Variants in ARHGEF6 observed in about 807,000 individuals in gnomAD.
ARHGEF6 encodes rho guanine nucleotide exchange factor 6.
ARHGEF6 carries 9 observed loss-of-function variants against 70.3 expected under a neutral mutation model. The observed-to-expected ratio is 0.13, with a 90% CI of 0.08 to 0.22. The LOEUF is 0.22. ARHGEF6 is among the 10% of genes least tolerant of loss of function. The pLI, the probability that ARHGEF6 is intolerant of heterozygous loss-of-function variation, is 1.00. For missense variants in ARHGEF6, 470 were observed against 563.0 expected, an observed-to-expected ratio of 0.83 and a Z score of 1.67; for synonymous variants, 201 against 207.8, an observed-to-expected ratio of 0.97 and a Z score of 0.28.
chrX:136,762,178 T>C (rs758321461), intron 2 of ARHGEF6, among the ~76,000 whole-genome samples: 9 of 112,303 alleles, frequency 8.0e-5, no homozygotes, highest in Non-Finnish European at 1.7e-4. Context: ...CCTCCCAAAG[T>C]GCTGGGATTA....
intron 7 of ARHGEF6, among the ~76,000 whole-genome samples, chrX:136,712,832 T>G (rs2076700472): frequency 8.9e-6 from 1 of 112,088 alleles, no homozygotes; most frequent in Admixed American, 9.4e-5. Flanking sequence ...CTTGAATAGC[T>G]CTTACAAGCA....
At chrX:136,687,891 G>T in intron 11 of ARHGEF6, 41 bp downstream of exon 11, 13 of 1,106,934 alleles carry the variant, frequency 1.2e-5, no homozygotes, top group Non-Finnish European at 1.6e-5. Flanking sequence ...CAGGAATAAA[G>T]TATACAAAAT....
chrX:136,727,398 TC>T (rs1454454691), intron 6 of ARHGEF6, among the ~76,000 whole-genome samples: 46 of 76,090 alleles, frequency 6.0e-4, no homozygotes, highest in African/African-American at 2.0e-3. Flanking sequence ...TCTTTCTTTC[TC>T]TCTCTCTCTC....
chrX:136,691,292 T>C (rs1186875094), intron 9 of ARHGEF6, among the ~76,000 whole-genome samples: 1 of 112,239 alleles, frequency 8.9e-6, no homozygotes, highest in Non-Finnish European at 1.9e-5. Context: ...CATGTTTGTA[T>C]GACTAACCAC....
chrX:136,687,837 G>T, intron 11 of ARHGEF6, 95 bp downstream of exon 11: 1 of 743,556 alleles, frequency 1.3e-6, no homozygotes, highest in South Asian at 2.1e-5. Context: ...CCATTCTAAA[G>T]ACCTTTGTAT....
intron 2 of ARHGEF6, among the ~76,000 whole-genome samples, chrX:136,754,713 T>C (rs770381715): frequency 1.8e-5 from 2 of 111,851 alleles, no homozygotes; most frequent in Admixed American, 1.9e-4. Context: ...CTCTTGTCAA[T>C]AGCCCTTGCC....
intron 2 of ARHGEF6, among the ~76,000 whole-genome samples, chrX:136,766,325 G>A (rs2077313628): frequency 9.2e-6 from 1 of 108,149 alleles, no homozygotes; most frequent in African/African-American, 3.4e-5. Context: ...TTTGAATCTT[G>A]CCTTTAAAAT....
At chrX:136,698,269 G>A (rs1311270733) in intron 9 of ARHGEF6, among the ~76,000 whole-genome samples, 1 of 110,989 alleles carries the variant, frequency 9.0e-6, no homozygotes, top group Non-Finnish European at 1.9e-5. Flanking sequence ...AGAGAAATAT[G>A]GAAAATCTTT....
At chrX:136,712,968 C>T (rs1174432074) in intron 7 of ARHGEF6, among the ~76,000 whole-genome samples, 1 of 110,283 alleles carries the variant, frequency 9.1e-6, no homozygotes, top group Non-Finnish European at 1.9e-5. Flanking sequence ...GCACCAGGGA[C>T]TTCTTTTCCT....
At chrX:136,754,219 G>T (rs1217977893) in intron 2 of ARHGEF6, among the ~76,000 whole-genome samples, 1 of 111,518 alleles carries the variant, frequency 9.0e-6, no homozygotes, top group Non-Finnish European at 1.9e-5. Flanking sequence ...TCAGGTAAGA[G>T]GGGAATGAAT....
intron 5 of ARHGEF6, among the ~76,000 whole-genome samples, chrX:136,740,882 T>C (rs922768302): frequency 4.5e-5 from 5 of 111,688 alleles, no homozygotes; most frequent in Non-Finnish European, 9.4e-5. Context: ...TTTCCTAAAT[T>C]ATATCAACAA....
At chrX:136,769,420 T>A (rs1468380691) in intron 2 of ARHGEF6, among the ~76,000 whole-genome samples, 11 of 110,352 alleles carry the variant, frequency 1.0e-4, no homozygotes, top group Admixed American at 4.8e-4. Context: ...CAAAAATAAA[T>A]AAAAATAAAT....
In ARHGEF6 at chrX:136,747,484, A is replaced by G. The variant is rs1430355797; in HGVS notation, c.334+24T>C. 2.5e-6 allele frequency: 3 copies of G among 1,183,869 alleles called. No homozygotes were observed. The Admixed American group carries it at 6.6e-5, about 26-fold the overall frequency. Reference sequence around the variant, plus strand: ...TGGATTCAAAAATGTCACCCAGAACATATAAATCACAAGCCCGGCTTACCT... The same window carrying G: ...TGGATTCAAAAATGTCACCCAGAACGTATAAATCACAAGCCCGGCTTACCT... On this transcript the variant is annotated intron_variant, in intron 3 of 21. Transcript: ENST00000250617.
chrX:136,755,964 C>T (rs2077201627), intron 2 of ARHGEF6, among the ~76,000 whole-genome samples: 1 of 110,964 alleles, frequency 9.0e-6, no homozygotes, highest in Admixed American at 9.5e-5. Context: ...ATGCCTAGAA[C>T]GTAAGCCCCA....
At chrX:136,675,341 G>T (rs2076269391) in intron 18 of ARHGEF6, among the ~76,000 whole-genome samples, 2 of 107,678 alleles carry the variant, frequency 1.9e-5, no homozygotes, top group East Asian at 5.9e-4. Context: ...CTCTACACTG[G>T]GACCGGGGTG....
chrX:136,704,694 C>CTATCATAT (rs1315589504), intron 9 of ARHGEF6, among the ~76,000 whole-genome samples: 1 of 111,618 alleles, frequency 9.0e-6, no homozygotes, highest in African/African-American at 3.3e-5. Context: ...TGAGAACTCA[C>CTATCATAT]TATCATAAGA....
intron 6 of ARHGEF6, among the ~76,000 whole-genome samples, chrX:136,725,015 C>G (rs1189946585): frequency 8.9e-6 from 1 of 111,950 alleles, no homozygotes; most frequent in Non-Finnish European, 1.9e-5. Context: ...ATTGAAATAG[C>G]CTTAATATTT....
intron 9 of ARHGEF6, among the ~76,000 whole-genome samples, 198 bp downstream of exon 9, chrX:136,706,710 T>C (rs1331324900): frequency 8.9e-6 from 1 of 112,144 alleles, no homozygotes; most frequent in Non-Finnish European, 1.9e-5. Context: ...CATCAGCTGG[T>C]ACAGGGCCTT....
chrX:136,751,294 T>C (rs1017121866), intron 2 of ARHGEF6, among the ~76,000 whole-genome samples: 23 of 112,135 alleles, frequency 2.1e-4, no homozygotes, highest in Non-Finnish European at 4.1e-4. Context: ...TTCTATAGCA[T>C]TACAAATAGA....
Sources: allele counts gnomAD v4.1 joint callset (sites outside exome capture counted in the v4.1 genomes callset), GRCh38; gene constraint gnomAD v4.1.1; transcripts MANE v1.5; gene names NCBI Gene and HGNC (gene_info 2026-07-23, HGNC 2026-07-21).